The following UHRF2 variants were observed in gnomAD, a reference collection of about 807,000 sequenced individuals.
UHRF2 encodes the protein E3 ubiquitin-protein ligase UHRF2.
A neutral mutation model predicts 96.8 loss-of-function variants in UHRF2; 23 were observed. The ratio of observed to expected loss-of-function variants is 0.24; its 90% CI spans 0.17 to 0.34. The LOEUF (loss-of-function observed/expected upper bound fraction) is 0.34, where lower values mean the gene tolerates loss of function less well. Among genes scored for constraint, UHRF2 ranks in the 10% least tolerant of loss-of-function variants. The pLI is 1.00. For missense variants in UHRF2, 685 were observed against 981.5 expected, an observed-to-expected ratio of 0.70 and a Z score of 4.04; for synonymous variants, 385 against 332.6, an observed-to-expected ratio of 1.16 and a Z score of -1.72.
At chr9:6,457,097 G>A (rs1188640426) in intron 3 of UHRF2, among the ~76,000 whole-genome samples, 2 of 152,164 alleles carry the variant, frequency 1.3e-5, no homozygotes, top group Non-Finnish European at 2.9e-5. Context: ...ATTACTTTGG[G>A]CAGTATGGGC....
chr9:6,490,507 A>G (rs1043774214), intron 9 of UHRF2, among the ~76,000 whole-genome samples: 2 of 152,198 alleles, frequency 1.3e-5, no homozygotes, highest in African/African-American at 2.4e-5. Context: ...GCATGCCTGT[A>G]ATCCCAGCTA....
chr9:6,456,333 C>G (rs1448574462), intron 3 of UHRF2, among the ~76,000 whole-genome samples: 2 of 152,032 alleles, frequency 1.3e-5, no homozygotes, highest in Non-Finnish European at 2.9e-5. Context: ...ATAAATGTCT[C>G]CTTTTGAGAA....
At chr9:6,449,851 G>T (rs1173334768) in intron 3 of UHRF2, among the ~76,000 whole-genome samples, 1 of 152,122 alleles carries the variant, frequency 6.6e-6, no homozygotes, top group Non-Finnish European at 1.5e-5. Flanking sequence ...CCCATGTGTT[G>T]TCACAGTTGG....
At chr9:6,417,900 C>T (rs150229067) in intron 1 of UHRF2, among the ~76,000 whole-genome samples, 30 of 152,276 alleles carry the variant, frequency 2.0e-4, no homozygotes, top group African/African-American at 6.7e-4. Flanking sequence ...ATACCCTCAA[C>T]GTCACTCTGA....
At chr9:6,488,087 A>G (rs1184091517) in intron 9 of UHRF2, among the ~76,000 whole-genome samples, 1 of 150,260 alleles carries the variant, frequency 6.7e-6, no homozygotes, top group Non-Finnish European at 1.5e-5. Flanking sequence ...CCAAAAAAAC[A>G]GAGAAATTAG....
intron 3 of UHRF2, among the ~76,000 whole-genome samples, chr9:6,456,258 G>A (rs13285458): frequency 0.032 from 4,802 of 152,172 alleles, 125 homozygotes; most frequent in Middle Eastern, 0.061. Flanking sequence ...TCTCAGTGTG[G>A]TTTTGATGTG....
chr9:6,504,808 C>G (rs1344287839), intron 15 of UHRF2, 117 bp downstream of exon 15: 1 of 672,982 alleles, frequency 1.5e-6, no homozygotes, highest in African/African-American at 1.8e-5. Context: ...GCGGAACCTT[C>G]TAGTTAAGAA....
At chr9:6,431,004 A>G (rs12335918) in intron 2 of UHRF2, among the ~76,000 whole-genome samples, 22 of 152,182 alleles carry the variant, frequency 1.4e-4, no homozygotes, top group Admixed American at 3.3e-4. Context: ...TCCTTTAGCT[A>G]ATTACTTCAG....
chr9:6,488,918 T>C (rs1273563023), intron 9 of UHRF2, among the ~76,000 whole-genome samples: 1 of 152,122 alleles, frequency 6.6e-6, no homozygotes, highest in Non-Finnish European at 1.5e-5. Flanking sequence ...GTTCAAGTGA[T>C]TCTCCTGGTG....
At chr9:6,441,502 C>T (rs527263070) in intron 3 of UHRF2, among the ~76,000 whole-genome samples, 1 of 152,098 alleles carries the variant, frequency 6.6e-6, no homozygotes, top group Non-Finnish European at 1.5e-5. Flanking sequence ...CTAATAAGTC[C>T]TTTGAGTGGC....
At chr9:6,425,943 A>G (rs1372831855) in intron 2 of UHRF2, among the ~76,000 whole-genome samples, 3 of 152,180 alleles carry the variant, frequency 2.0e-5, no homozygotes, top group Non-Finnish European at 4.4e-5. Context: ...AGTTTACATT[A>G]TTACTTTTCA....
intron 3 of UHRF2, among the ~76,000 whole-genome samples, chr9:6,444,682 A>G (rs765527513): frequency 6.6e-6 from 1 of 150,772 alleles, no homozygotes; most frequent in South Asian, 2.1e-4. Context: ...GCTCACTGCA[A>G]CCTCCCCCTC....
At chr9:6,462,351 T>G (rs1415730161) in intron 4 of UHRF2, among the ~76,000 whole-genome samples, 1 of 149,766 alleles carries the variant, frequency 6.7e-6, no homozygotes, top group Non-Finnish European at 1.5e-5. Flanking sequence ...TGATGCGAGG[T>G]GTTGAAAACT....
intron 4 of UHRF2, among the ~76,000 whole-genome samples, chr9:6,465,913 G>C (rs1422769961): frequency 6.6e-6 from 1 of 151,962 alleles, no homozygotes; most frequent in Non-Finnish European, 1.5e-5. Flanking sequence ...TTTTCATGTT[G>C]TCATTTTCTA....
At chr9:6,496,672 A>T (rs567794129) in intron 10 of UHRF2, 2 of 152,432 alleles carry the variant, frequency 1.3e-5, no homozygotes, top group Admixed American at 1.3e-4. Flanking sequence ...CTCATACACC[A>T]CTTATTCTTA....
intron 9 of UHRF2, chr9:6,492,491 A>G (rs1036228462): frequency 9.8e-6 from 4 of 408,814 alleles, no homozygotes; most frequent in African/African-American, 8.6e-5. Context: ...AGACCTTAAT[A>G]TTGGATTAAC....
At chr9:6,472,354 G>A (rs1823295339) in intron 4 of UHRF2, among the ~76,000 whole-genome samples, 2 of 152,172 alleles carry the variant, frequency 1.3e-5, no homozygotes, top group African/African-American at 4.8e-5. Flanking sequence ...AAGAGAGTGA[G>A]AAAATAAGGA....
chr9:6,423,440 G>C (rs938389447), intron 2 of UHRF2, among the ~76,000 whole-genome samples: 2 of 152,086 alleles, frequency 1.3e-5, no homozygotes, highest in Non-Finnish European at 2.9e-5. Flanking sequence ...TGTATTTGCT[G>C]ATTTAACTTG....
At chr9:6,465,219 C>G (rs1487602270) in intron 4 of UHRF2, among the ~76,000 whole-genome samples, 1 of 152,086 alleles carries the variant, frequency 6.6e-6, no homozygotes, top group Non-Finnish European at 1.5e-5. Context: ...GATATGCTCT[C>G]CTAGATTTGG....
Sources: gnomAD v4.1 joint callset for allele counts (sites outside exome capture counted in the v4.1 genomes callset) on GRCh38, gnomAD v4.1.1 for gene constraint, MANE v1.5 for transcripts, NCBI Gene and HGNC (gene_info 2026-07-23, HGNC 2026-07-21) for gene names.